The following PRG3 variants were observed in gnomAD, a reference collection of about 807,000 sequenced individuals.
PRG3 encodes proteoglycan 3, pro eosinophil major basic protein 2, also known as proteoglycan 3.
A neutral mutation model predicts 26.1 loss-of-function variants in PRG3; 25 were observed. That is an observed-to-expected ratio of 0.96 (90% confidence interval 0.70 to 1.34). The LOEUF is 1.34. PRG3 is among the 40% of genes most tolerant of loss of function. The pLI is 0.00. For missense variants in PRG3, 280 were observed against 264.8 expected, an observed-to-expected ratio of 1.06 and a Z score of -0.40; for synonymous variants, 111 against 100.4, an observed-to-expected ratio of 1.11 and a Z score of -0.63.
In PRG3 at chr11:57,378,577, A is replaced by T. The variant is rs933604052; in HGVS notation, c.507+104T>A. 3.2e-5 allele frequency: 47 copies of T among 1,469,010 alleles called. No individual in the cohort carries two copies. The Admixed American group carries it at 8.8e-4, about 27-fold the overall frequency. The allele number at this position is 1,469,010 out of a possible 1,614,324, so 91.0% of individuals were successfully genotyped here. The stretch of plus-strand genomic sequence containing the variant: ...TCTCCAGCACATCATTGCCTGCCAC[A>T]TTAAGGAAACCTTAGCTGCTGGCCT... On this transcript the variant is annotated intron_variant, in intron 4 of 5. Coordinates refer to ENST00000287143, the MANE Select transcript of PRG3 (RefSeq NM_006093.4).
At position 57,378,685 on chromosome 11, in the gene PRG3, C is replaced by A. The variant is rs759667018; in HGVS notation, c.503G>T (p.Gly168Val). ...AAGATTTGGCCCCTGACTTACCCAG[C>A]CCCTGAGGTTGCCTCCAATCCAGAC... Reference protein sequence around the residue: ...AQVWIGGNLRGWFLWKRFCWT... With the variant: ...AQVWIGGNLRVWFLWKRFCWT... Residue 168 changes from glycine (G) to valine (V), a missense_variant, in exon 4 of 6, where the codon GGC (glycine) becomes GTC (valine). Coordinates refer to ENST00000287143, the MANE Select transcript of PRG3 (RefSeq NM_006093.4). 3.7e-6 allele frequency: 6 copies of A among 1,613,486 alleles called. No homozygotes were observed. The highest frequency in any genetic ancestry group is 4.2e-6 in the Non-Finnish European group (5 of 1,179,664).
rs749368595 is a variant in PRG3 at position 57,379,819 on chromosome 11, A to T, written c.62-12T>A. On this transcript the variant is annotated splice_polypyrimidine_tract_variant and intron_variant, in intron 2 of 5. Transcript: ENST00000287143. ...GGGGGCATCATTCTCTGGGAAGAAGAGGTAACCTGCCATCAGGTCAAGAGC... is the reference window on the plus strand; with the variant it reads ...GGGGGCATCATTCTCTGGGAAGAAGTGGTAACCTGCCATCAGGTCAAGAGC... 1 of 1,595,246 alleles carries T rather than the reference A, an allele frequency of 6.3e-7. No homozygotes were observed. Among genetic ancestry groups the T allele is most frequent in the South Asian group, 1.1e-5 (1 of 88,784 alleles).
chr11:57,380,828 G>T, intron 1 of PRG3, 47 bp from the exon 2 acceptor site: 2 of 688,738 alleles, frequency 2.9e-6, no homozygotes, highest in Non-Finnish European at 4.5e-6. Context: ...TTTGATTAAA[G>T]AGCAAACAAG....
rs750632929 is a variant in PRG3 at position 57,380,640 on chromosome 11, A to T, written c.61+8T>A. 6.4e-7 allele frequency: 1 copy of T among 1,565,924 alleles called. No individual in the cohort carries two copies. The highest frequency in any genetic ancestry group is 8.6e-7 in the Non-Finnish European group (1 of 1,159,230). ...AAAGACGCATGAGGAGGGAAGGGAG[A>T]GACTTACCCAGATGAAGAGCAGAAA... is the stretch of plus-strand genomic sequence containing the variant. On this transcript the variant is annotated splice_region_variant and intron_variant, in intron 2 of 5. Transcript: ENST00000287143.
At chr11:57,380,580 G>T (rs571651) in intron 2 of PRG3, 68 bp downstream of exon 2, 1,348,690 of 1,376,042 alleles carry the variant, frequency 0.98, 665,252 homozygotes, top group Non-Finnish European at 1. Flanking sequence ...AAATAAAAGC[G>T]GGGGGAGGGG....
chr11:57,378,583 G>A (rs975052441), intron 4 of PRG3, 98 bp downstream of exon 4: 1 of 1,491,742 alleles, frequency 6.7e-7, no homozygotes, highest in Admixed American at 1.9e-5. Context: ...CCACATTAAG[G>A]AAACCTTAGC....
At chr11:57,379,397 G>T in intron 3 of PRG3, 97 bp downstream of exon 3, 1 of 1,244,718 alleles carries the variant, frequency 8.0e-7, no homozygotes, top group Non-Finnish European at 1.1e-6. Context: ...ATGCATGCGA[G>T]GCTTTGAGAA....
Position 57,380,768 on chromosome 11 carries a change from G to A in PRG3, c.-60C>T. 1 of 1,213,438 alleles carries A rather than the reference G, an allele frequency of 8.2e-7. No homozygotes were observed. The highest frequency in any genetic ancestry group is 1.1e-6 in the Non-Finnish European group (1 of 882,180). 75.2% of individuals were successfully genotyped at this position (1,213,438 alleles called of 1,614,324 possible). A position where few individuals can be genotyped will look rare whatever the true frequency, so the allele number is the denominator to read the frequency against. ...GTCCTTCTTGGGGCTGTCTTTGTGT[G>A]TCTAGTATAGCCCCTGGCACATAGT... On this transcript the variant is annotated 5_prime_UTR_variant, in exon 2 of 6. Transcript: ENST00000287143.
chr11:57,380,792 G>T lies in PRG3; in HGVS notation c.-73-11C>A. ...TGTCTAGTATAGCCCCTGGCACATAGTATAGAGGGAATATTTGTTTAATTG... is the reference window on the plus strand; with the variant it reads ...TGTCTAGTATAGCCCCTGGCACATATTATAGAGGGAATATTTGTTTAATTG... On this transcript the variant is annotated splice_polypyrimidine_tract_variant and intron_variant, in intron 1 of 5. Coordinates refer to ENST00000287143, the MANE Select transcript of PRG3 (RefSeq NM_006093.4). 1.1e-6 allele frequency: 1 copy of T among 923,116 alleles called. No individual in the cohort carries two copies. The highest frequency in any genetic ancestry group is 1.6e-6 in the Non-Finnish European group (1 of 640,158). The allele number at this position is 923,116 out of a possible 1,614,324, so 57.2% of individuals were successfully genotyped here. A position where few individuals can be genotyped will look rare whatever the true frequency, so the allele number is the denominator to read the frequency against.
Position 57,377,824 on chromosome 11 carries a change from G to T in PRG3, c.520C>A (p.Arg174=). The change falls in exon 5 of 6, where the codon CGG becomes AGG. Residue 174 remains arginine, a synonymous_variant. Transcript: ENST00000287143. ...TGGCTCCCATCAGTCCAGCAAAACCGCTTCCACAGGAACTAGAGAAGTGAC... is the reference window on the plus strand; with the variant it reads ...TGGCTCCCATCAGTCCAGCAAAACCTCTTCCACAGGAACTAGAGAAGTGAC... ...GNLRGWFLWK[R]FCWTDGSHWN... 1 of 1,612,656 alleles carries T rather than the reference G, an allele frequency of 6.2e-7. No homozygotes were observed. Among genetic ancestry groups the T allele is most frequent in the South Asian group, 1.1e-5 (1 of 91,052 alleles).
Position 57,378,820 on chromosome 11 carries a change from C to A in PRG3, c.376-8G>T, listed in dbSNP as rs369345715. The stretch of plus-strand genomic sequence containing the variant: ...GCATCTGCTGCAGACATTCTGCAGA[C>A]GGAAACAAAGTAGAGAATTCCCTCT... On this transcript the variant is annotated splice_region_variant and splice_polypyrimidine_tract_variant and intron_variant, in intron 3 of 5. Coordinates refer to ENST00000287143, the MANE Select transcript of PRG3 (RefSeq NM_006093.4). 1 of 1,613,300 alleles carries A rather than the reference C, an allele frequency of 6.2e-7. No individual in the cohort carries two copies. Among genetic ancestry groups the A allele is most frequent in the East Asian group, 2.2e-5 (1 of 44,880 alleles).
chr11:57,380,124 G>A (rs975108860), intron 2 of PRG3, among the ~76,000 whole-genome samples: 4 of 152,174 alleles, frequency 2.6e-5, no homozygotes, highest in Non-Finnish European at 5.9e-5. Flanking sequence ...ACAGTTTGCC[G>A]GGTGCGGTGG....
chr11:57,379,795 G>T lies in PRG3; in HGVS notation c.74C>A (p.Pro25His). ...CTGTGTCTCTAGGCTCTCCAGATGG[G>T]GGGCATCATTCTCTGGGAAGAAGAG... is the stretch of plus-strand genomic sequence containing the variant. ...VSALHLENDAPHLESLETQAD... is the reference protein window; with the variant it reads ...VSALHLENDAHHLESLETQAD... Residue 25 changes from proline (P) to histidine (H), a missense_variant, in exon 3 of 6, where the codon CCC (proline) becomes CAC (histidine). Physicochemically the swap from Pro to His is moderately conservative, Grantham distance 77. Transcript: ENST00000287143. 2 of 1,606,782 alleles carry T rather than the reference G, an allele frequency of 1.2e-6. No individual in the cohort carries two copies. Among genetic ancestry groups the T allele is most frequent in the Non-Finnish European group, 1.7e-6 (2 of 1,175,664 alleles).
At position 57,376,908 on chromosome 11, in the gene PRG3, C is replaced by T. The variant is rs754371931; in HGVS notation, c.620G>A (p.Gly207Glu). 5.6e-6 allele frequency: 9 copies of T among 1,612,098 alleles called. No homozygotes were observed. The African/African-American group carries it at 1.2e-4, about 22-fold the overall frequency. The part of the protein sequence containing the change: ...QGSCVALCTK[G>E]GYWRRAQCDK... Reference sequence around the variant, plus strand: ...GCATTGAGCTCGTCGCCAATAACCTCCTAGCAGCACAGAGCACAGTGAAGT... The same window carrying T: ...GCATTGAGCTCGTCGCCAATAACCTTCTAGCAGCACAGAGCACAGTGAAGT... Residue 207 changes from glycine (G) to glutamate (E), a missense_variant and splice_region_variant, in exon 6 of 6, where the codon GGA becomes GAA. Physicochemically the swap from Gly to Glu is moderately conservative, Grantham distance 98 (BLOSUM62 -2). Coordinates refer to ENST00000287143, the MANE Select transcript of PRG3 (RefSeq NM_006093.4).
Position 57,378,662 on chromosome 11 carries a change from G to C in PRG3, c.507+19C>G. 6.2e-7 allele frequency: 1 copy of C among 1,611,126 alleles called. No individual in the cohort carries two copies. The highest frequency in any genetic ancestry group is 8.5e-7 in the Non-Finnish European group (1 of 1,177,886). On this transcript the variant is annotated intron_variant, in intron 4 of 5. Coordinates refer to ENST00000287143, the MANE Select transcript of PRG3 (RefSeq NM_006093.4). The stretch of plus-strand genomic sequence containing the variant: ...TTCAGAAAGAACTTACTGCACCCAA[G>C]ATTTGGCCCCTGACTTACCCAGCCC...
In PRG3 at chr11:57,380,652, A is replaced by G. The variant is rs1373756763; in HGVS notation, c.57T>C (p.His19=). The stretch of plus-strand genomic sequence containing the variant: ...GGAGGGAAGGGAGAGACTTACCCAG[A>G]TGAAGAGCAGAAACTGTTCCCAGCA... ...FLLLGTVSAL[H]LENDAPHLES... The change falls in exon 2 of 6, where the codon CAT becomes CAC. Residue 19 remains histidine, a synonymous_variant. Coordinates refer to ENST00000287143, the MANE Select transcript of PRG3 (RefSeq NM_006093.4). 1 of 1,579,764 alleles carries G rather than the reference A, an allele frequency of 6.3e-7. No individual in the cohort carries two copies. Among genetic ancestry groups the G allele is most frequent in the African/African-American group, 1.4e-5 (1 of 73,010 alleles).
chr11:57,378,881 C>A, intron 3 of PRG3, 69 bp from the exon 4 acceptor site: 2 of 1,585,008 alleles, frequency 1.3e-6, no homozygotes, highest in Non-Finnish European at 1.7e-6. Flanking sequence ...CAGGCAAGAG[C>A]CCGGCATCCC....
At chr11:57,379,846 T>G in intron 2 of PRG3, 39 bp from the exon 3 acceptor site, 1 of 1,552,562 alleles carries the variant, frequency 6.4e-7, no homozygotes, top group Non-Finnish European at 8.7e-7. Context: ...GTCAAGAGCT[T>G]CCTAGTTCCA....
intron 2 of PRG3, 60 bp from the exon 3 acceptor site, chr11:57,379,867 C>A: frequency 6.8e-7 from 1 of 1,463,396 alleles, no homozygotes; most frequent in Non-Finnish European, 9.2e-7. Context: ...GCACCGTGGA[C>A]AGCTCCAGCA....
Sources: gnomAD v4.1 joint callset for allele counts (sites outside exome capture counted in the v4.1 genomes callset) on GRCh38, gnomAD v4.1.1 for gene constraint, MANE v1.5 for transcripts, NCBI Gene and HGNC (gene_info 2026-07-23, HGNC 2026-07-21) for gene names.